The following PCDH15 variants were observed in gnomAD, a reference collection of about 807,000 sequenced individuals.
PCDH15 encodes the protein protocadherin-15.
A neutral mutation model predicts 178.5 loss-of-function variants in PCDH15; 129 were observed. The observed-to-expected ratio is 0.72, with a 90% CI of 0.63 to 0.84. The LOEUF (loss-of-function observed/expected upper bound fraction) is 0.84, where lower values mean the gene tolerates loss of function less well. Ranked by LOEUF, PCDH15 falls within the 40% of genes least tolerant of loss-of-function variation. The pLI, the probability that PCDH15 is intolerant of heterozygous loss-of-function variation, is 0.00. For missense variants in PCDH15, 2,230 were observed against 2,099.9 expected, an observed-to-expected ratio of 1.06 and a Z score of -1.21; for synonymous variants, 800 against 732.0, an observed-to-expected ratio of 1.09 and a Z score of -1.50.
chr10:55,305,698 T>C lies in PCDH15; in HGVS notation c.-156+13901A>G, dbSNP rs190985583. ...AATTCTTTCCCTTGCTGTCCAACAC[T>C]GGATAAGGCAGTGCTTCACTGAGAA... On this transcript the variant is annotated intron_variant, in intron 1 of 5. Coordinates refer to the PCDH15 transcript ENST00000458638. Among the ~76,000 whole-genome samples the C allele has an allele frequency of 2.9e-3, 447 of 152,350 alleles. 1 individual carries two copies. Among genetic ancestry groups the C allele is most frequent in the African/African-American group, 0.01 (424 of 41,578 alleles).
chr10:55,506,296 T>C (rs975074900), intron 2 of PCDH15: 11 of 151,538 alleles, frequency 7.3e-5, no homozygotes, highest in Admixed American at 5.9e-4. Flanking sequence ...TGTAAGTATG[T>C]AATGTGTTGA....
chr10:54,381,120 G>T (rs1166909022), intron 3 of PCDH15, among the ~76,000 whole-genome samples: 2 of 151,676 alleles, frequency 1.3e-5, no homozygotes, highest in Non-Finnish European at 2.9e-5. Flanking sequence ...CCAAAATTTA[G>T]GGGAGAGAGA....
intron 1 of PCDH15, among the ~76,000 whole-genome samples, chr10:55,201,400 A>G (rs188132987): frequency 2.6e-5 from 4 of 152,226 alleles, no homozygotes; most frequent in African/African-American, 9.6e-5. Flanking sequence ...CTTGCAATTG[A>G]GGGGGGAAAA....
At chr10:54,720,549 C>T (rs1566033599) in intron 1 of PCDH15, among the ~76,000 whole-genome samples, 1 of 150,926 alleles carries the variant, frequency 6.6e-6, no homozygotes, top group Non-Finnish European at 1.5e-5. Context: ...AATTTTATAT[C>T]CTGCCAAATG....
chr10:54,887,000 T>C (rs1170921589), intron 3 of PCDH15, among the ~76,000 whole-genome samples: 1 of 152,238 alleles, frequency 6.6e-6, no homozygotes, highest in Non-Finnish European at 1.5e-5. Flanking sequence ...TTTTATTGCA[T>C]GTGTTAGTTT....
chr10:55,060,811 T>C lies in PCDH15; in HGVS notation c.-80+105765A>G, dbSNP rs547459844. ...GTAGTTGATACAGGAGAAAAAACAA[T>C]ACAATGAAGAAGTGATAGCCATTTC... is the stretch of plus-strand genomic sequence containing the variant. On this transcript the variant is annotated intron_variant, in intron 2 of 5. Transcript: ENST00000458638. 2.1e-4 allele frequency among the ~76,000 whole-genome samples: 32 copies of C among 152,010 alleles called. No homozygotes were observed. The South Asian group carries it at 6.6e-3, about 32-fold the overall frequency.
intron 1 of PCDH15, among the ~76,000 whole-genome samples, chr10:55,281,419 C>T (rs1172606744): frequency 6.7e-6 from 1 of 149,440 alleles, no homozygotes; most frequent in Admixed American, 6.6e-5. Flanking sequence ...AATAAAAACA[C>T]ATTTTTTTTT....
chr10:54,030,521 T>C (rs894589391), intron 18 of PCDH15, among the ~76,000 whole-genome samples: 6 of 151,928 alleles, frequency 3.9e-5, no homozygotes, highest in Non-Finnish European at 8.8e-5. Flanking sequence ...CAATGGCAAG[T>C]AGACTTACTG....
At chr10:54,462,518 T>C (rs145422754) in intron 3 of PCDH15, among the ~76,000 whole-genome samples, 28 of 114,764 alleles carry the variant, frequency 2.4e-4, no homozygotes, top group African/African-American at 1.2e-3. Context: ...TTTTCTTTTT[T>C]TTTTTTTTTT....
intron 1 of PCDH15, among the ~76,000 whole-genome samples, chr10:54,750,101 T>C (rs571109370): frequency 3.3e-5 from 5 of 152,134 alleles, no homozygotes; most frequent in East Asian, 3.9e-4. Context: ...TCTGTCTCTC[T>C]TTCTCTCTTT....
chr10:53,959,857 TA>T lies in PCDH15; in HGVS notation c.3010-14del. The T allele has an allele frequency of 6.3e-6, 10 of 1,592,624 alleles. No individual in the cohort carries two copies. The highest frequency in any genetic ancestry group is 8.6e-6 in the Non-Finnish European group (10 of 1,160,580). ...CAACCACCACCAACTTAAAAAGCAA[TA>T]AAAATTCATGTTAAAGATTATAAGT... On this transcript the variant is annotated splice_polypyrimidine_tract_variant and intron_variant, in intron 22 of 37. Transcript: ENST00000644397.
intron 2 of PCDH15, among the ~76,000 whole-genome samples, chr10:55,473,033 T>G: frequency 6.6e-6 from 1 of 152,088 alleles, no homozygotes; most frequent in East Asian, 1.9e-4. Flanking sequence ...AACATTAGAG[T>G]GGAATGTCCT....
At chr10:53,863,784 G>A (rs992182142) in intron 27 of PCDH15, among the ~76,000 whole-genome samples, 3 of 152,094 alleles carry the variant, frequency 2.0e-5, no homozygotes, top group Non-Finnish European at 2.9e-5. Flanking sequence ...TAGAGCTGGC[G>A]AGTGGGAATT....
chr10:54,153,059 G>A (rs777298270), intron 14 of PCDH15, 41 bp downstream of exon 14: 6 of 1,604,352 alleles, frequency 3.7e-6, no homozygotes, highest in African/African-American at 1.3e-5. Flanking sequence ...AGGGTTAAAC[G>A]GGCCCGATGA....
intron 3 of PCDH15, among the ~76,000 whole-genome samples, chr10:54,445,403 C>T (rs368024302): frequency 2.6e-4 from 40 of 151,454 alleles, no homozygotes; most frequent in African/African-American, 9.2e-4. Context: ...CCTGAATGTG[C>T]AATAAGTTTC....
intron 23 of PCDH15, among the ~76,000 whole-genome samples, chr10:53,953,788 G>GT (rs1185555382): frequency 2.6e-5 from 4 of 151,996 alleles, no homozygotes; most frequent in Admixed American, 2.6e-4. Flanking sequence ...GTTCTGTTTT[G>GT]TTTTGTTTTG....
intron 2 of PCDH15, among the ~76,000 whole-genome samples, chr10:55,423,351 A>C (rs1838671569): frequency 6.6e-6 from 1 of 152,042 alleles, no homozygotes; most frequent in Non-Finnish European, 1.5e-5. Context: ...GTATGCATAC[A>C]GAGAGAACTA....
At chr10:54,968,966 A>G (rs555766983) in intron 2 of PCDH15, among the ~76,000 whole-genome samples, 2 of 151,964 alleles carry the variant, frequency 1.3e-5, no homozygotes, top group Non-Finnish European at 2.9e-5. Context: ...CATATATTCC[A>G]TGGCTCTATT....
At chr10:55,219,604 T>C (rs1437458863) in intron 1 of PCDH15, among the ~76,000 whole-genome samples, 1 of 151,484 alleles carries the variant, frequency 6.6e-6, no homozygotes, top group Non-Finnish European at 1.5e-5. Flanking sequence ...ATATTTAATT[T>C]TGAATCAAAT....
Sources: gnomAD v4.1 joint callset for allele counts (sites outside exome capture counted in the v4.1 genomes callset) on GRCh38, gnomAD v4.1.1 for gene constraint, MANE v1.5 for transcripts, NCBI Gene and HGNC (gene_info 2026-07-23, HGNC 2026-07-21) for gene names.